The following MAF variants were observed in gnomAD, a reference collection of about 807,000 sequenced individuals.
MAF encodes the protein transcription factor Maf.
MAF carries 10 observed loss-of-function variants against 22.0 expected under a neutral mutation model. That is an observed-to-expected ratio of 0.45 (90% confidence interval 0.28 to 0.77). The LOEUF is 0.77. Among genes scored for constraint, MAF ranks in the 30% least tolerant of loss-of-function variants. The pLI is 0.12. For missense variants in MAF, 544 were observed against 548.4 expected (o/e 0.99, Z 0.08); for synonymous variants, 337 against 255.8 (o/e 1.32, Z -3.03).
the MAF span, among the ~76,000 whole-genome samples, chr16:79,490,046 C>G: frequency 6.6e-6 from 1 of 152,236 alleles, no homozygotes; most frequent in Non-Finnish European, 1.5e-5. Flanking sequence ...TGGTTTGGAA[C>G]GGGTGTGTCT....
chr16:79,311,408 G>C, the MAF span, among the ~76,000 whole-genome samples: 5 of 151,278 alleles, frequency 3.3e-5, no homozygotes, highest in African/African-American at 1.2e-4. Context: ...GCTAATGTGA[G>C]TTTTCCAGAG....
chr16:79,468,337 G>A, the MAF span, among the ~76,000 whole-genome samples: 13,822 of 152,218 alleles, frequency 0.091, 841 homozygotes, highest in East Asian at 0.25. Context: ...GGATGCCCCT[G>A]CCTGTGTCCA....
chr16:79,524,329 A>C, the MAF span, among the ~76,000 whole-genome samples: 1 of 152,192 alleles, frequency 6.6e-6, no homozygotes, highest in Non-Finnish European at 1.5e-5. Context: ...ATCTCTCTTA[A>C]GGATAACGCC....
the MAF span, among the ~76,000 whole-genome samples, chr16:79,361,827 A>AATGCTTAAAGTCC: frequency 1.3e-5 from 2 of 152,230 alleles, no homozygotes; most frequent in Non-Finnish European, 2.9e-5. Context: ...AAGTCAGATA[A>AATGCTTAAAGTCC]ATGCTTAAAG....
the MAF span, among the ~76,000 whole-genome samples, chr16:79,563,071 G>T: frequency 1.3e-5 from 2 of 152,090 alleles, no homozygotes; most frequent in Non-Finnish European, 2.9e-5. Context: ...GCACTAGGTG[G>T]TTATACTATG....
chr16:79,473,787 G>T, the MAF span, among the ~76,000 whole-genome samples: 1 of 152,168 alleles, frequency 6.6e-6, no homozygotes, highest in Non-Finnish European at 1.5e-5. Context: ...TACACTTAAA[G>T]ATACAGCTGA....
chr16:79,465,389 T>C, the MAF span, among the ~76,000 whole-genome samples: 1 of 152,016 alleles, frequency 6.6e-6, no homozygotes, highest in Non-Finnish European at 1.5e-5. Context: ...GCCCAGGAGT[T>C]TGAGACAAGA....
chr16:79,310,401 CAGAG>C, the MAF span, among the ~76,000 whole-genome samples: 2 of 151,962 alleles, frequency 1.3e-5, no homozygotes, highest in Non-Finnish European at 2.9e-5. Flanking sequence ...GAGAGACAGA[CAGAG>C]AGAGAGAATC....
At chr16:79,350,680 C>G in the MAF span, among the ~76,000 whole-genome samples, 7 of 152,172 alleles carry the variant, frequency 4.6e-5, no homozygotes, top group African/African-American at 1.4e-4. Context: ...GGCAGAGCCA[C>G]AAGATAGAAG....
rs1352432029 is a variant in MAF, at chr16:79,600,277, T to A, written c.-375A>T. 1 of 227,552 alleles carries A rather than the reference T, an allele frequency of 4.4e-6. No homozygotes were observed. The highest frequency in any genetic ancestry group is 7.7e-5 in the East Asian group (1 of 12,946). The allele number at this position is 227,552 out of a possible 1,614,324, so 14.1% of individuals were successfully genotyped here. A position where few individuals can be genotyped will look rare whatever the true frequency, so the allele number is the denominator to read the frequency against. On this transcript the variant is annotated 5_prime_UTR_variant, in exon 1 of 2. Transcript: ENST00000326043. ...GCGAAGCTGGAGGAGCCCGGCCCGG[T>A]GCGCGGCGTCCCCCGCTCGCCGCTC... is the stretch of plus-strand genomic sequence containing the variant.
At chr16:79,574,490 C>A in the MAF span, among the ~76,000 whole-genome samples, 1 of 152,204 alleles carries the variant, frequency 6.6e-6, no homozygotes, top group Non-Finnish European at 1.5e-5. Flanking sequence ...GCCATTCTAA[C>A]ACCTCAAAAT....
At chr16:79,440,858 G>A in the MAF span, among the ~76,000 whole-genome samples, 2 of 152,214 alleles carry the variant, frequency 1.3e-5, no homozygotes, top group Admixed American at 1.3e-4. Flanking sequence ...TCTGTTTTCT[G>A]GAGTGGGAGA....
At chr16:79,302,406 C>A in the MAF span, among the ~76,000 whole-genome samples, 2 of 152,206 alleles carry the variant, frequency 1.3e-5, no homozygotes, top group African/African-American at 4.8e-5. Context: ...AGTGTGAAAA[C>A]GACTCTTTTC....
the MAF span, among the ~76,000 whole-genome samples, chr16:79,534,330 T>A: frequency 6.6e-6 from 1 of 152,206 alleles, no homozygotes; most frequent in African/African-American, 2.4e-5. Context: ...CGCATTACCA[T>A]GTGGTTTTAT....
At chr16:79,491,582 T>A in the MAF span, among the ~76,000 whole-genome samples, 1 of 151,940 alleles carries the variant, frequency 6.6e-6, no homozygotes, top group Non-Finnish European at 1.5e-5. Flanking sequence ...ATCCCCTGCC[T>A]CCCGGTGGTA....
At chr16:79,573,892 G>A in the MAF span, among the ~76,000 whole-genome samples, 1 of 152,182 alleles carries the variant, frequency 6.6e-6, no homozygotes, top group Non-Finnish European at 1.5e-5. Context: ...TTGACAGATT[G>A]CAAAGATGTC....
chr16:79,440,847 G>T, the MAF span, among the ~76,000 whole-genome samples: 1 of 152,212 alleles, frequency 6.6e-6, no homozygotes, highest in South Asian at 2.1e-4. Flanking sequence ...TTGGCTCTTG[G>T]TCTGTTTTCT....
At chr16:79,357,677 G>A in the MAF span, among the ~76,000 whole-genome samples, 1 of 152,084 alleles carries the variant, frequency 6.6e-6, no homozygotes, top group African/African-American at 2.4e-5. Context: ...CGGTTCCCTA[G>A]CAGGCATTGG....
the MAF span, among the ~76,000 whole-genome samples, chr16:79,434,643 A>G: frequency 1.3e-5 from 2 of 151,610 alleles, no homozygotes; most frequent in Non-Finnish European, 2.9e-5. Context: ...AATAAATAAT[A>G]TATAATTAAA....
Sources: allele counts gnomAD v4.1 joint callset (sites outside exome capture counted in the v4.1 genomes callset), GRCh38; gene constraint gnomAD v4.1.1; transcripts MANE v1.5; gene names NCBI Gene and HGNC (gene_info 2026-07-23, HGNC 2026-07-21).